Variants in MAP3K11 observed in about 807,000 individuals in gnomAD.
MAP3K11 encodes mitogen-activated protein kinase kinase kinase 11.
Under a neutral mutation model 84.9 loss-of-function variants are expected in MAP3K11, and 46 were observed. That is an observed-to-expected ratio of 0.54 (90% CI 0.43 to 0.69). The LOEUF (loss-of-function observed/expected upper bound fraction) is 0.69. Among genes scored for constraint, MAP3K11 ranks in the 30% least tolerant of loss-of-function variants. The pLI, the probability that MAP3K11 is intolerant of heterozygous loss-of-function variation, is 0.00. For synonymous variants in MAP3K11, 527 were observed against 514.7 expected (o/e 1.02, Z -0.32); for missense variants, 1,053 against 1,198.3 (o/e 0.88, Z 1.79).
At position 65,608,487 on chromosome 11, in the gene MAP3K11, A is replaced by T. The variant is rs1854538718; in HGVS notation, c.740-39T>A. ...GCCAGATTGTGGATGCTCCAGGATC[A>T]GGTGGTGGGGACAGGGTAAGAGCTG... On this transcript the variant is annotated intron_variant, in intron 1 of 9. Coordinates refer to ENST00000309100, the MANE Select transcript of MAP3K11 (RefSeq NM_002419.4). The T allele has an allele frequency of 2.5e-6, 4 of 1,603,060 alleles. No homozygotes were observed. In the Admixed American group the frequency reaches 6.7e-5, roughly 27 times the overall value.
intron 5 of MAP3K11, chr11:65,607,010 G>A (rs1854516373): frequency 3.4e-6 from 2 of 593,470 alleles, no homozygotes; most frequent in Non-Finnish European, 5.6e-6. Context: ...CCCTGGCGCC[G>A]GCCGGCCCCG....
At chr11:65,602,903 G>A (rs1055476437) in intron 8 of MAP3K11, among the ~76,000 whole-genome samples, 3 of 151,842 alleles carry the variant, frequency 2.0e-5, no homozygotes, top group African/African-American at 7.3e-5. Flanking sequence ...CTACTTAAGC[G>A]CAGCCCAGCC....
Position 65,599,539 on chromosome 11 carries a change from C to A in MAP3K11, c.2061G>T (p.Pro687=). Residue 687 remains proline (P), a synonymous_variant, in exon 9 of 10, where the codon CCG becomes CCT. Coordinates refer to ENST00000309100, the MANE Select transcript of MAP3K11 (RefSeq NM_002419.4). The stretch of plus-strand genomic sequence containing the variant: ...TGAGCGGGGAAGGGGGCGGCTCGGT[C>A]GGGCAGGGCGCGGGCGTTGGCGTGG... ...TPPTPTPAPC[P]TEPPPSPLIC... The A allele has an allele frequency of 6.7e-7, 1 of 1,483,228 alleles. No individual in the cohort carries two copies. The highest frequency in any genetic ancestry group is 8.9e-7 in the Non-Finnish European group (1 of 1,122,700). The allele number at this position is 1,483,228 out of a possible 1,614,324, so 91.9% of individuals were successfully genotyped here.
chr11:65,601,008 C>T (rs1381823501), intron 8 of MAP3K11, among the ~76,000 whole-genome samples: 1 of 152,254 alleles, frequency 6.6e-6, no homozygotes, highest in Non-Finnish European at 1.5e-5. Flanking sequence ...GGGAATCCTT[C>T]TAAAATGCAA....
In MAP3K11 at chr11:65,598,361, G is replaced by A. The variant is rs770461213; in HGVS notation, c.2474C>T (p.Pro825Leu). 3.9e-6 allele frequency: 6 copies of A among 1,540,104 alleles called. No homozygotes were observed. The highest frequency in any genetic ancestry group is 1.8e-4 in the Middle Eastern group (1 of 5,700). The change falls in exon 10 of 10, where the codon CCC (proline) becomes CTC (leucine). Residue 825 changes from proline (P) to leucine (L), a missense_variant. By Grantham distance (98) the Pro-to-Leu change is moderately conservative (BLOSUM62 -3). Transcript: ENST00000309100. ...SPPANPFQGGPQDCRAQTKDM... is the reference protein window; with the variant it reads ...SPPANPFQGGLQDCRAQTKDM... ...TTTGGTCTGTGCCCTGCAGTCCTGGGGGCCCCCCTGGAAGGGGTTGGCAGG... is the reference window on the plus strand; with the variant it reads ...TTTGGTCTGTGCCCTGCAGTCCTGGAGGCCCCCCTGGAAGGGGTTGGCAGG...
chr11:65,608,088 G>C lies in MAP3K11; in HGVS notation c.921-18C>G. On this transcript the variant is annotated intron_variant, in intron 2 of 9. Coordinates refer to ENST00000309100, the MANE Select transcript of MAP3K11 (RefSeq NM_002419.4). ...CCCCAAAACTGTGGGCGAGACAACAGGTCTGTGTTCCCTTTTCTCTCCCAA... is the reference window on the plus strand; with the variant it reads ...CCCCAAAACTGTGGGCGAGACAACACGTCTGTGTTCCCTTTTCTCTCCCAA... The C allele has an allele frequency of 6.2e-7, 1 of 1,612,032 alleles. No homozygotes were observed. The highest frequency in any genetic ancestry group is 8.5e-7 in the Non-Finnish European group (1 of 1,178,376).
In MAP3K11 at chr11:65,598,138, G is replaced by C. The variant is rs545246380; in HGVS notation, c.*153C>G. 3.9e-6 allele frequency: 2 copies of C among 509,514 alleles called. No homozygotes were observed. The highest frequency in any genetic ancestry group is 3.1e-6 in the Non-Finnish European group (1 of 317,936). 31.6% of individuals were successfully genotyped at this position (509,514 alleles called of 1,614,324 possible). On this transcript the variant is annotated 3_prime_UTR_variant, in exon 10 of 10. Coordinates refer to ENST00000309100, the MANE Select transcript of MAP3K11 (RefSeq NM_002419.4). ...CGCAGGTCCCCCTTCCAGTGTGAAG[G>C]CTTCCTGTGCAGTGTAGTGTTCCTG...
chr11:65,599,730 T>TGGGCTCCTC lies in MAP3K11; in HGVS notation c.1861_1869dup (p.Glu621_Pro623dup), dbSNP rs768752926. On this transcript the variant is annotated inframe_insertion, in exon 9 of 10. Coordinates refer to ENST00000309100, the MANE Select transcript of MAP3K11 (RefSeq NM_002419.4). ...CCGCGCTCTGCGGGGACAGGCCTCT[T>TGGGCTCCTC]GGGCTCCTCGGGCTCCAGGCTAGGC... is the stretch of plus-strand genomic sequence containing the variant. 40 of 1,590,012 alleles carry TGGGCTCCTC rather than the reference T, an allele frequency of 2.5e-5. No individual in the cohort carries two copies. The highest frequency in any genetic ancestry group is 3.4e-5 in the Non-Finnish European group (40 of 1,175,916).
chr11:65,599,470 T>C lies in MAP3K11; in HGVS notation c.2130A>G (p.Ala710=). ...LKTPDSPPTP[A]PLLLDLGIPV... ...GGATACCCAGGTCCAGCAACAGGGG[T>C]GCAGGAGTGGGCGGGGAGTCGGGCG... Residue 710 remains alanine (A), a synonymous_variant, in exon 9 of 10, where the codon GCA becomes GCG. Coordinates refer to ENST00000309100, the MANE Select transcript of MAP3K11 (RefSeq NM_002419.4). 1 of 1,509,084 alleles carries C rather than the reference T, an allele frequency of 6.6e-7. No individual in the cohort carries two copies. Among genetic ancestry groups the C allele is most frequent in the African/African-American group, 1.5e-5 (1 of 67,552 alleles). 93.5% of individuals were successfully genotyped at this position (1,509,084 alleles called of 1,614,324 possible).
Position 65,598,326 on chromosome 11 carries a change from C to A in MAP3K11, c.2509G>T (p.Ala837Ser). The A allele has an allele frequency of 6.7e-7, 1 of 1,484,946 alleles. No homozygotes were observed. 92.0% of individuals were successfully genotyped at this position (1,484,946 alleles called of 1,614,324 possible). Residue 837 changes from alanine to serine, a missense_variant, in exon 10 of 10, where the codon GCC (alanine) becomes TCC (serine). Ala to Ser is a moderately conservative substitution (Grantham distance 99, BLOSUM62 1). Transcript: ENST00000309100. ...DCRAQTKDMG[A>S]QAPWVPEAGP ...GCTTCCGGCACCCACGGGGCCTGGG[C>A]ACCCATGTCTTTGGTCTGTGCCCTG...
In MAP3K11 at chr11:65,607,798, G is replaced by A; in HGVS notation, c.1088C>T (p.Pro363Leu). The A allele has an allele frequency of 6.2e-7, 1 of 1,612,258 alleles. No homozygotes were observed. Among genetic ancestry groups the A allele is most frequent in the Non-Finnish European group, 8.5e-7 (1 of 1,179,330 alleles). Residue 363 changes from proline (P) to leucine (L), a missense_variant, in exon 4 of 10, where the codon CCC (proline) becomes CTC (leucine). Around this residue, in one of 3 missense-constraint regions of MAP3K11, gnomAD observed 310 missense variants for 464.5 expected, o/e 0.67. Coordinates refer to ENST00000309100, the MANE Select transcript of MAP3K11 (RefSeq NM_002419.4). The stretch of plus-strand genomic sequence containing the variant: ...GGAGGCGAAGTCGGGCCTGCGGTGG[G>A]GGTCCTGCGCCCAGCAGTCTAGGGG... Reference protein sequence around the residue: ...QLMADCWAQDPHRRPDFASIL... With the variant: ...QLMADCWAQDLHRRPDFASIL...
At chr11:65,601,483 G>A (rs750542439) in intron 8 of MAP3K11, among the ~76,000 whole-genome samples, 15 of 152,202 alleles carry the variant, frequency 9.9e-5, no homozygotes, top group Non-Finnish European at 2.2e-4. Context: ...TGGGCCAGGC[G>A]CGGTGGCTCA....
rs1289112786 is a variant in MAP3K11 at position 65,608,250 on chromosome 11, C to T, written c.920+18G>A. On this transcript the variant is annotated intron_variant, in intron 2 of 9. Coordinates refer to ENST00000309100, the MANE Select transcript of MAP3K11 (RefSeq NM_002419.4). ...TGCAGCCCCGTAGCAGCCCGTCCAG[C>T]CCCACCAAGGGCCGCACCTCCAGAC... 6.2e-7 allele frequency: 1 copy of T among 1,610,574 alleles called. No individual in the cohort carries two copies. The highest frequency in any genetic ancestry group is 1.3e-5 in the African/African-American group (1 of 74,962).
At position 65,613,533 on chromosome 11, in the gene MAP3K11, G is replaced by C. The variant is rs757018256; in HGVS notation, c.224C>G (p.Ala75Gly). 1.2e-6 allele frequency: 2 copies of C among 1,610,422 alleles called. No individual in the cohort carries two copies. The highest frequency in any genetic ancestry group is 1.7e-6 in the Non-Finnish European group (2 of 1,177,980). ...CCAGCCCTCGTCTCCTGAGATGGCT[G>C]CGTCCCGGGACAGCACCTCCACACG... ...GDRVEVLSRD[A>G]AISGDEGWWA... The change falls in exon 1 of 10, where the codon GCA (alanine) becomes GGA (glycine). Residue 75 changes from alanine to glycine, a missense_variant. Ala to Gly is a moderately conservative substitution (Grantham distance 60). Coordinates refer to ENST00000309100, the MANE Select transcript of MAP3K11 (RefSeq NM_002419.4).
chr11:65,603,028 G>A (rs1488388744), intron 8 of MAP3K11, among the ~76,000 whole-genome samples: 1 of 152,164 alleles, frequency 6.6e-6, no homozygotes, highest in Non-Finnish European at 1.5e-5. Flanking sequence ...ACTTGAGCCT[G>A]GGAGGCAGAG....
Position 65,607,426 on chromosome 11 carries a change from G to A in MAP3K11, c.1333C>T (p.Leu445=). ...AACACCTCTAGCTCCCACTGGGCCA[G>A]CAGGTGCTCGCGCCGCCGCAGCTGC... ...AEQLRRREHL[L]AQWELEVFER... Residue 445 remains leucine (L), a synonymous_variant, in exon 5 of 10, where the codon CTG becomes TTG. Coordinates refer to ENST00000309100, the MANE Select transcript of MAP3K11 (RefSeq NM_002419.4). 6.7e-7 allele frequency: 1 copy of A among 1,497,650 alleles called. No individual in the cohort carries two copies. 92.8% of individuals were successfully genotyped at this position (1,497,650 alleles called of 1,614,324 possible).
chr11:65,605,952 T>C lies in MAP3K11; in HGVS notation c.1733A>G (p.Asn578Ser), dbSNP rs1412779351. Reference protein sequence around the residue: ...PSSPKPGEAQNGRRRSRMDEA... With the variant: ...PSSPKPGEAQSGRRRSRMDEA... ...GGGGCACTCAGGTACTCACCTCCCA[T>C]TCTGGGCTTCCCCAGGCTTGGGGGA... The change falls in exon 7 of 10, where the codon AAT becomes AGT. Residue 578 changes from asparagine (N) to serine (S), a missense_variant. Asn to Ser is a conservative substitution (Grantham distance 46). Around this residue, in one of 3 missense-constraint regions of MAP3K11, gnomAD observed 583 missense variants for 566.6 expected, o/e 1.03. Coordinates refer to ENST00000309100, the MANE Select transcript of MAP3K11 (RefSeq NM_002419.4). 1.9e-6 allele frequency: 3 copies of C among 1,602,994 alleles called. No homozygotes were observed. Among genetic ancestry groups the C allele is most frequent in the Non-Finnish European group, 2.5e-6 (3 of 1,176,864 alleles).
chr11:65,604,291 G>C (rs1854484440), intron 8 of MAP3K11, among the ~76,000 whole-genome samples: 1 of 152,256 alleles, frequency 6.6e-6, no homozygotes, highest in Non-Finnish European at 1.5e-5. Flanking sequence ...GAGTTCTGTG[G>C]AACAGTCAGG....
chr11:65,607,361 G>C lies in MAP3K11; in HGVS notation c.1398C>G (p.Arg466=), dbSNP rs539502369. The change falls in exon 5 of 10, where the codon CGC becomes CGG. Residue 466 remains arginine, a synonymous_variant. Coordinates refer to ENST00000309100, the MANE Select transcript of MAP3K11 (RefSeq NM_002419.4). Reference sequence around the variant, plus strand: ...GGCGGCGGCGCACGTGCGGTCGCTCGCGGTCCACCTGCTGCAGCAGCAGCG... The same window carrying C: ...GGCGGCGGCGCACGTGCGGTCGCTCCCGGTCCACCTGCTGCAGCAGCAGCG... The part of the protein sequence containing the change: ...ELTLLLQQVD[R]ERPHVRRRRG... 5.9e-5 allele frequency: 89 copies of C among 1,497,918 alleles called. 1 individual carries two copies. Among genetic ancestry groups the C allele is most frequent in the Middle Eastern group, 4.1e-4 (2 of 4,908 alleles). 92.8% of individuals were successfully genotyped at this position (1,497,918 alleles called of 1,614,324 possible).
Sources: allele counts gnomAD v4.1 joint callset (sites outside exome capture counted in the v4.1 genomes callset), GRCh38; gene constraint gnomAD v4.1.1; regional missense constraint gnomAD v4.1.1; transcripts MANE v1.5; gene names NCBI Gene and HGNC (gene_info 2026-07-23, HGNC 2026-07-21).